The following GALNT14 variants were observed in gnomAD, a reference collection of about 807,000 sequenced individuals.
GALNT14 encodes the protein polypeptide N-acetylgalactosaminyltransferase 14, also known as UDP-GalNAc:polypeptide N-acetylgalactosaminyltransferase 14.
GALNT14 carries 60 observed loss-of-function variants against 77.5 expected under a neutral mutation model. That is an observed-to-expected ratio of 0.77 (90% CI 0.63 to 0.96). GALNT14 has a LOEUF of 0.96. Among genes scored for constraint, GALNT14 ranks in the 40% least tolerant of loss-of-function variants. The pLI, the probability that GALNT14 is intolerant of heterozygous loss-of-function variation, is 0.00. For synonymous variants in GALNT14, 280 were observed against 281.7 expected, an observed-to-expected ratio of 0.99 and a Z score of 0.06; for missense variants, 710 against 731.0, an observed-to-expected ratio of 0.97 and a Z score of 0.33.
At chr2:30,927,173 G>A (rs1245802748) in intron 11 of GALNT14, among the ~76,000 whole-genome samples, 1 of 152,026 alleles carries the variant, frequency 6.6e-6, no homozygotes, top group Non-Finnish European at 1.5e-5. Flanking sequence ...CCTGGTGTGG[G>A]GTCTTTAGAA....
At chr2:31,052,628 T>A (rs548617098) in intron 1 of GALNT14, among the ~76,000 whole-genome samples, 85 of 152,072 alleles carry the variant, frequency 5.6e-4, no homozygotes, top group African/African-American at 1.9e-3. Context: ...AGGAGGGACA[T>A]ATCCTCAGGG....
At chr2:30,992,738 G>T in intron 2 of GALNT14, 100 bp downstream of exon 2, 4 of 1,353,684 alleles carry the variant, frequency 3.0e-6, no homozygotes, top group South Asian at 2.7e-5. Context: ...GGTCCAGCCC[G>T]GTTCTTAGCA....
downstream of GALNT14, among the ~76,000 whole-genome samples, chr2:30,907,231 G>C (rs1377603201): frequency 3.3e-5 from 5 of 152,150 alleles, no homozygotes; most frequent in Admixed American, 6.5e-5. Flanking sequence ...GAAGGAAATA[G>C]AGACACAAAA....
intron 2 of GALNT14, among the ~76,000 whole-genome samples, chr2:30,978,530 G>A (rs1050130414): frequency 3.3e-5 from 5 of 152,162 alleles, no homozygotes; most frequent in African/African-American, 4.8e-5. Context: ...TGATCAATAC[G>A]TGTTTGCCAA....
At chr2:30,899,814 A>G in the GALNT14 span, among the ~76,000 whole-genome samples, 2 of 152,258 alleles carry the variant, frequency 1.3e-5, no homozygotes, top group African/African-American at 2.4e-5. Flanking sequence ...TTGGGCCGCC[A>G]GAGTCCACAG....
Position 30,993,024 on chromosome 2 carries a change from G to T in GALNT14, c.130-17C>A, listed in dbSNP as rs1456731987. ...GTCCGAAGGCTGCGTGACACGAATG[G>T]GAAGTCTGTGAGAACGGCTCCCTGT... On this transcript the variant is annotated splice_polypyrimidine_tract_variant and intron_variant, in intron 1 of 14. Transcript: ENST00000349752. The T allele has an allele frequency of 6.2e-7, 1 of 1,612,942 alleles. No individual in the cohort carries two copies.
chr2:31,079,273 T>G (rs546089414), intron 1 of GALNT14, among the ~76,000 whole-genome samples: 1 of 152,144 alleles, frequency 6.6e-6, no homozygotes, highest in Non-Finnish European at 1.5e-5. Context: ...ATTCACTCGC[T>G]GTATGGCAGA....
At chr2:31,021,084 T>C (rs1671685622) in intron 1 of GALNT14, among the ~76,000 whole-genome samples, 1 of 151,982 alleles carries the variant, frequency 6.6e-6, no homozygotes, top group Non-Finnish European at 1.5e-5. Flanking sequence ...CAAATGCCCA[T>C]CTCGGAGCCA....
At chr2:30,966,072 T>C (rs1667985981) in intron 3 of GALNT14, 132 bp downstream of exon 3, 2 of 656,124 alleles carry the variant, frequency 3.0e-6, no homozygotes, top group Admixed American at 4.5e-5. Flanking sequence ...ACATGTGACA[T>C]ATAGAATAGT....
At chr2:30,966,087 G>C in intron 3 of GALNT14, 117 bp downstream of exon 3, 1 of 699,870 alleles carries the variant, frequency 1.4e-6, no homozygotes, top group East Asian at 2.7e-5. Flanking sequence ...AATAGTGCCT[G>C]GCACGTAGTT....
intron 6 of GALNT14, among the ~76,000 whole-genome samples, chr2:30,953,143 C>A (rs1343205951): frequency 6.6e-6 from 1 of 152,114 alleles, no homozygotes; most frequent in Non-Finnish European, 1.5e-5. Context: ...TGAATGGCAG[C>A]AGGACGACAT....
chr2:30,944,147 TG>T (rs1024476506), intron 8 of GALNT14, among the ~76,000 whole-genome samples: 36 of 152,202 alleles, frequency 2.4e-4, no homozygotes, highest in African/African-American at 8.7e-4. Flanking sequence ...GGCCCGGGAC[TG>T]GTTTACTGTC....
At chr2:31,020,700 T>C (rs1439226720) in intron 1 of GALNT14, among the ~76,000 whole-genome samples, 1 of 152,166 alleles carries the variant, frequency 6.6e-6, no homozygotes, top group Non-Finnish European at 1.5e-5. Flanking sequence ...CCACCTTCTG[T>C]CTTGCCCTGA....
chr2:31,108,707 C>T (rs914549481), intron 1 of GALNT14, among the ~76,000 whole-genome samples: 1 of 152,134 alleles, frequency 6.6e-6, no homozygotes, highest in Non-Finnish European at 1.5e-5. Flanking sequence ...AAACAGTGTC[C>T]TTGGGGAATG....
At chr2:31,007,591 G>T (rs1670760046) in intron 1 of GALNT14, among the ~76,000 whole-genome samples, 1 of 152,140 alleles carries the variant, frequency 6.6e-6, no homozygotes, top group Non-Finnish European at 1.5e-5. Flanking sequence ...ATCCACAGTG[G>T]CCTTCTTTTC....
intron 3 of GALNT14, among the ~76,000 whole-genome samples, chr2:30,963,682 C>G (rs1043179466): frequency 1.3e-5 from 2 of 152,184 alleles, no homozygotes; most frequent in Admixed American, 1.3e-4. Context: ...TTTTTATCAT[C>G]ATTTTCTACA....
At chr2:31,018,450 G>A (rs1389909791) in intron 1 of GALNT14, among the ~76,000 whole-genome samples, 1 of 152,304 alleles carries the variant, frequency 6.6e-6, no homozygotes, top group South Asian at 2.1e-4. Context: ...AGGTGACAGA[G>A]AGTGGTAGGC....
chr2:30,911,536 T>A (rs1664361687), intron 14 of GALNT14, among the ~76,000 whole-genome samples: 1 of 152,088 alleles, frequency 6.6e-6, no homozygotes. Flanking sequence ...TGACCTCGCA[T>A]GACAAAGGAG....
chr2:31,103,811 T>C (rs1412075526), intron 1 of GALNT14, among the ~76,000 whole-genome samples: 1 of 152,162 alleles, frequency 6.6e-6, no homozygotes, highest in Non-Finnish European at 1.5e-5. Context: ...CTCATACTTG[T>C]CTTACTTTTA....
Sources: allele counts gnomAD v4.1 joint callset (sites outside exome capture counted in the v4.1 genomes callset), GRCh38; gene constraint gnomAD v4.1.1; transcripts MANE v1.5; gene names NCBI Gene and HGNC (gene_info 2026-07-23, HGNC 2026-07-21).